ADARB2: variants seen among roughly 807,000 people sequenced by gnomAD.
ADARB2 encodes the protein adenosine deaminase RNA specific B2 (inactive).
A neutral mutation model predicts 62.2 loss-of-function variants in ADARB2; 25 were observed. That is an observed-to-expected ratio of 0.40 (90% CI 0.29 to 0.56). The LOEUF (loss-of-function observed/expected upper bound fraction) is 0.56. Among genes scored for constraint, ADARB2 ranks in the 20% least tolerant of loss-of-function variants. ADARB2 has a pLI of 0.43. For synonymous variants in ADARB2, 572 were observed against 500.8 expected (o/e 1.14, Z -1.90); for missense variants, 1,071 against 1,077.4 (o/e 0.99, Z 0.08).
intron 1 of ADARB2, among the ~76,000 whole-genome samples, chr10:1,699,019 C>T (rs1470139358): frequency 2.0e-5 from 3 of 152,214 alleles, no homozygotes; most frequent in Admixed American, 1.3e-4. Context: ...CCTCGGCCTC[C>T]CGAAGTGCTG....
At chr10:1,295,271 A>G (rs887339742) in intron 3 of ADARB2, among the ~76,000 whole-genome samples, 2 of 152,180 alleles carry the variant, frequency 1.3e-5, no homozygotes, top group African/African-American at 4.8e-5. Context: ...CAGAGGAGCT[A>G]AAAGCCAAGA....
intron 1 of ADARB2, among the ~76,000 whole-genome samples, chr10:1,583,786 A>G (rs1833137479): frequency 6.6e-6 from 1 of 152,234 alleles, no homozygotes; most frequent in Non-Finnish European, 1.5e-5. Flanking sequence ...TACAATGCTG[A>G]AGGAGAAGCA....
chr10:1,249,721 C>T (rs139365813), intron 4 of ADARB2, among the ~76,000 whole-genome samples: 60 of 151,848 alleles, frequency 4.0e-4, no homozygotes, highest in Non-Finnish European at 6.2e-4. Context: ...CAGCCATTGA[C>T]GAGCACAACA....
chr10:1,354,806 G>C (rs910955769), intron 3 of ADARB2, among the ~76,000 whole-genome samples: 3 of 152,192 alleles, frequency 2.0e-5, no homozygotes, highest in African/African-American at 2.4e-5. Context: ...TTGGTGTAAT[G>C]ATGAGTCCCA....
chr10:1,209,060 G>T (rs1837107434), intron 7 of ADARB2, among the ~76,000 whole-genome samples: 1 of 152,176 alleles, frequency 6.6e-6, no homozygotes, highest in South Asian at 2.1e-4. Flanking sequence ...AGGGGCGTGT[G>T]GCTGCCAATA....
intron 3 of ADARB2, among the ~76,000 whole-genome samples, chr10:1,312,841 T>G (rs1287250803): frequency 6.6e-6 from 1 of 152,210 alleles, no homozygotes; most frequent in African/African-American, 2.4e-5. Context: ...CTGTGACCCC[T>G]CTGCCCATGA....
At chr10:1,608,690 AAAGT>A (rs1322060399) in intron 1 of ADARB2, among the ~76,000 whole-genome samples, 2 of 150,908 alleles carry the variant, frequency 1.3e-5, no homozygotes, top group East Asian at 1.9e-4. Flanking sequence ...GGAGGAGGAA[AAAGT>A]AAGAAAGAAA....
intron 1 of ADARB2, among the ~76,000 whole-genome samples, chr10:1,519,188 G>T (rs1281340594): frequency 6.6e-6 from 1 of 151,466 alleles, no homozygotes; most frequent in Middle Eastern, 3.3e-3. Flanking sequence ...ATGTGGTGTG[G>T]TCATACGCCT....
intron 1 of ADARB2, among the ~76,000 whole-genome samples, chr10:1,670,823 G>A (rs1834374973): frequency 6.6e-6 from 1 of 152,208 alleles, no homozygotes; most frequent in African/African-American, 2.4e-5. Flanking sequence ...GTAAGAGCAG[G>A]AGCAGGAGCA....
At chr10:1,217,149 G>C in intron 6 of ADARB2, 30 bp from the exon 7 acceptor site, 1 of 1,531,146 alleles carries the variant, frequency 6.5e-7, no homozygotes, top group Non-Finnish European at 8.8e-7. Context: ...GGAGGGGTGA[G>C]AAGAGGGAAG....
chr10:1,425,476 T>G (rs1331563905), intron 1 of ADARB2, among the ~76,000 whole-genome samples: 1 of 152,246 alleles, frequency 6.6e-6, no homozygotes, highest in East Asian at 1.9e-4. Flanking sequence ...ACCTGAAGTA[T>G]CTAATCTTTT....
In ADARB2 at chr10:1,328,499, C is replaced by T. The variant is rs528280304; in HGVS notation, c.1077+34529G>A. On this transcript the variant is annotated intron_variant, in intron 3 of 9. Transcript: ENST00000381312. ...CGTTCAGTTATTCCATTCAAACCCG[C>T]GTCCTGTTTTTTTTTCTTGAACAGT... is the stretch of plus-strand genomic sequence containing the variant. 2.6e-5 allele frequency among the ~76,000 whole-genome samples: 4 copies of T among 152,074 alleles called. No individual in the cohort carries two copies. The East Asian group carries it at 7.8e-4, about 30-fold the overall frequency.
At chr10:1,496,138 C>T (rs917100441) in intron 1 of ADARB2, among the ~76,000 whole-genome samples, 1 of 151,164 alleles carries the variant, frequency 6.6e-6, no homozygotes, top group African/African-American at 2.4e-5. Flanking sequence ...TCTTAGTCAT[C>T]ATAATCACCA....
chr10:1,243,668 G>C (rs552611749), intron 4 of ADARB2, among the ~76,000 whole-genome samples: 1 of 152,210 alleles, frequency 6.6e-6, no homozygotes, highest in African/African-American at 2.4e-5. Context: ...GGGAGGGACC[G>C]AGCACTGGGG....
chr10:1,660,587 G>T (rs1834233846), intron 1 of ADARB2, among the ~76,000 whole-genome samples: 1 of 152,132 alleles, frequency 6.6e-6, no homozygotes, highest in South Asian at 2.1e-4. Context: ...TAAGGCCCAA[G>T]ACCCCAGAAA....
intron 6 of ADARB2, among the ~76,000 whole-genome samples, chr10:1,231,492 T>TG (rs1289486095): frequency 6.6e-6 from 1 of 152,084 alleles, no homozygotes; most frequent in Non-Finnish European, 1.5e-5. Context: ...GGCCTGGTAG[T>TG]GGGGGGTGCC....
chr10:1,723,605 G>A (rs955917913), intron 1 of ADARB2, among the ~76,000 whole-genome samples: 3 of 152,200 alleles, frequency 2.0e-5, no homozygotes, highest in African/African-American at 4.8e-5. Flanking sequence ...AACTGTCAGC[G>A]AGAAGTGAGA....
Position 1,363,537 on chromosome 10 carries a change from C to T in ADARB2, c.568G>A (p.Val190Met). Reference sequence around the variant, plus strand: ...GCCTGGCAGGCGTTGGGGAACTGCACGAAGGACCTGAGTGCCAGCTCCGCC... The same window carrying T: ...GCCTGGCAGGCGTTGGGGAACTGCATGAAGGACCTGAGTGCCAGCTCCGCC... Reference protein sequence around the residue: ...RAAELALRSFVQFPNACQAHL... With the variant: ...RAAELALRSFMQFPNACQAHL... Residue 190 changes from valine (V) to methionine (M), a missense_variant, in exon 3 of 10, where the codon GTG (valine) becomes ATG (methionine). Physicochemically the swap from Val to Met is conservative, Grantham distance 21. Coordinates refer to ENST00000381312, the MANE Select transcript of ADARB2 (RefSeq NM_018702.4). 6 of 1,559,042 alleles carry T rather than the reference C, an allele frequency of 3.8e-6. No homozygotes were observed. In the South Asian group the frequency reaches 7.2e-5, roughly 19 times the overall value.
chr10:1,468,648 G>A (rs949316214), intron 1 of ADARB2, among the ~76,000 whole-genome samples: 1 of 152,212 alleles, frequency 6.6e-6, no homozygotes, highest in Non-Finnish European at 1.5e-5. Flanking sequence ...AGTCGGGGCT[G>A]GGGGCTCCCC....
Sources: gnomAD v4.1 joint callset for allele counts (sites outside exome capture counted in the v4.1 genomes callset) on GRCh38, gnomAD v4.1.1 for gene constraint, MANE v1.5 for transcripts, NCBI Gene and HGNC (gene_info 2026-07-23, HGNC 2026-07-21) for gene names.